NDUFA10: variants seen among roughly 807,000 people sequenced by gnomAD.
NDUFA10 encodes NADH:ubiquinone oxidoreductase subunit A10, also known as NADH dehydrogenase [ubiquinone] 1 alpha subcomplex subunit 10, mitochondrial.
Under a neutral mutation model 47.8 loss-of-function variants are expected in NDUFA10, and 40 were observed. The observed-to-expected ratio is 0.84, with a 90% confidence interval of 0.65 to 1.09. NDUFA10 has a LOEUF of 1.09. Among genes scored for constraint, NDUFA10 ranks in the 50% least tolerant of loss-of-function variants. The pLI is 0.00. For synonymous variants in NDUFA10, 183 were observed against 172.2 expected, an observed-to-expected ratio of 1.06 and a Z score of -0.49; for missense variants, 413 against 451.1, an observed-to-expected ratio of 0.92 and a Z score of 0.76.
chr2:240,015,498 G>A (rs1048813310), intron 4 of NDUFA10, among the ~76,000 whole-genome samples: 27 of 152,126 alleles, frequency 1.8e-4, no homozygotes, highest in African/African-American at 3.1e-4. Context: ...CATTTATCCC[G>A]TTTCAGTAGT....
At chr2:239,947,922 C>A (rs906330153) in intron 4 of NDUFA10, among the ~76,000 whole-genome samples, 1 of 152,176 alleles carries the variant, frequency 6.6e-6, no homozygotes, top group South Asian at 2.1e-4. Flanking sequence ...CAAGTGTGGG[C>A]CCTTCTTGAG....
At chr2:239,915,645 CAG>C (rs1195760389) in intron 4 of NDUFA10, among the ~76,000 whole-genome samples, 3 of 148,776 alleles carry the variant, frequency 2.0e-5, no homozygotes, top group African/African-American at 7.5e-5. Context: ...TACAGACACA[CAG>C]AGACACACAG....
chr2:239,922,769 G>A (rs548697325), intron 4 of NDUFA10, among the ~76,000 whole-genome samples: 14 of 152,312 alleles, frequency 9.2e-5, no homozygotes, highest in Non-Finnish European at 1.3e-4. Context: ...TTCCACCCCA[G>A]GTGTCATCCT....
intron 8 of NDUFA10, among the ~76,000 whole-genome samples, chr2:239,997,932 A>G (rs1231031273): frequency 2.0e-5 from 3 of 152,260 alleles, no homozygotes; most frequent in African/African-American, 7.2e-5. Context: ...ATCAATGGTA[A>G]GTGCAGCATA....
In NDUFA10 at chr2:239,989,313, A is replaced by G. The variant is rs866142356; in HGVS notation, c.999+761T>C. Reference sequence around the variant, plus strand: ...AGTGGGTGCTTCAGGCAATTTGCTCATATCAACTCAGACAATTATAGTAAT... The same window carrying G: ...AGTGGGTGCTTCAGGCAATTTGCTCGTATCAACTCAGACAATTATAGTAAT... On this transcript the variant is annotated intron_variant, in intron 9 of 9. Coordinates refer to ENST00000252711, the MANE Select transcript of NDUFA10 (RefSeq NM_004544.4). Among the ~76,000 whole-genome samples the G allele has an allele frequency of 9.2e-5, 14 of 152,386 alleles. No homozygotes were observed. The South Asian group carries it at 1.7e-3, about 18-fold the overall frequency.
intron 1 of NDUFA10, among the ~76,000 whole-genome samples, chr2:240,023,696 A>T (rs1426462518): frequency 1.3e-5 from 2 of 152,244 alleles, no homozygotes; most frequent in Non-Finnish European, 2.9e-5. Context: ...AAAATACTTT[A>T]TAGTGAAATT....
chr2:240,017,733 C>T lies in NDUFA10; in HGVS notation c.547+820G>A, dbSNP rs140215650. ...CACGGGCTTGCAGTGCTCTTGCGGGCGGCAAGCTCACAGGTGGAGTACCGG... is the reference window on the plus strand; with the variant it reads ...CACGGGCTTGCAGTGCTCTTGCGGGTGGCAAGCTCACAGGTGGAGTACCGG... On this transcript the variant is annotated intron_variant, in intron 4 of 9. Transcript: ENST00000252711. 1.2e-3 allele frequency: 1,346 copies of T among 1,142,242 alleles called. 9 individuals carry two copies. The African/African-American group carries it at 0.018, about 16-fold the overall frequency. The allele number at this position is 1,142,242 out of a possible 1,614,324, so 70.8% of individuals were successfully genotyped here.
chr2:239,913,694 C>T (rs768159213), intron 4 of NDUFA10, among the ~76,000 whole-genome samples: 8 of 152,296 alleles, frequency 5.3e-5, no homozygotes, highest in South Asian at 2.1e-4. Context: ...CAGGCTGAAC[C>T]GGAAAATTGT....
At chr2:239,952,239 C>A (rs1465819802) in intron 4 of NDUFA10, among the ~76,000 whole-genome samples, 1 of 95,076 alleles carries the variant, frequency 1.1e-5, no homozygotes, top group East Asian at 3.3e-4. Context: ...AGGAGGGGGG[C>A]GCAGGGAGGG....
chr2:239,920,119 G>A (rs969522750), intron 4 of NDUFA10, among the ~76,000 whole-genome samples: 1 of 152,208 alleles, frequency 6.6e-6, no homozygotes, highest in African/African-American at 2.4e-5. Flanking sequence ...AGGTGGTCAG[G>A]GTTCAGTGGG....
intron 8 of NDUFA10, among the ~76,000 whole-genome samples, chr2:239,999,044 G>A (rs1696598297): frequency 6.6e-6 from 1 of 152,160 alleles, no homozygotes; most frequent in Non-Finnish European, 1.5e-5. Flanking sequence ...AGGGGAGGAG[G>A]CTGTGGGAAC....
chr2:239,946,075 C>T (rs1049291018), intron 4 of NDUFA10, among the ~76,000 whole-genome samples: 1 of 152,202 alleles, frequency 6.6e-6, no homozygotes, highest in East Asian at 1.9e-4. Flanking sequence ...TGCAGGTTTC[C>T]AGAGAGAGGG....
At chr2:239,908,149 A>G (rs550337494) in intron 4 of NDUFA10, among the ~76,000 whole-genome samples, 37 of 152,290 alleles carry the variant, frequency 2.4e-4, no homozygotes, top group African/African-American at 8.7e-4. Context: ...TCGCAAGGAC[A>G]GAAAACCAAA....
At chr2:239,977,528 G>A (rs778185486) in intron 9 of NDUFA10, among the ~76,000 whole-genome samples, 60 of 152,318 alleles carry the variant, frequency 3.9e-4, no homozygotes, top group Non-Finnish European at 8.1e-4. Flanking sequence ...CTGACTCCAC[G>A]AGTGCTCCAC....
intron 4 of NDUFA10, among the ~76,000 whole-genome samples, chr2:239,896,860 T>G (rs943460975): frequency 1.3e-5 from 2 of 152,248 alleles, no homozygotes; most frequent in Non-Finnish European, 2.9e-5. Flanking sequence ...GGCACAAGAT[T>G]GGCAAAATAT....
Position 240,016,372 on chromosome 2 carries a change from C to T in NDUFA10, c.548-1512G>A, listed in dbSNP as rs1289920534. 6.6e-6 allele frequency among the ~76,000 whole-genome samples: 1 copy of T among 152,168 alleles called. No homozygotes were observed. The highest frequency in any genetic ancestry group is 1.9e-4 in the East Asian group (1 of 5,186). On this transcript the variant is annotated intron_variant, in intron 4 of 9. Coordinates refer to ENST00000252711, the MANE Select transcript of NDUFA10 (RefSeq NM_004544.4). The surrounding 1 kb of genome is among the most constrained non-coding windows in gnomAD (Gnocchi z 4.4). ...CTCCCTTCACCGAGTCTGCTCTCAC[C>T]CTGCTTCCCACCCTCACCCTTACTC...
chr2:239,963,261 A>G (rs1694927510), intron 9 of NDUFA10, among the ~76,000 whole-genome samples: 1 of 152,202 alleles, frequency 6.6e-6, no homozygotes, highest in African/African-American at 2.4e-5. Flanking sequence ...GGGGTTTGGT[A>G]TTGTGGGATC....
rs1476540025 is a variant in NDUFA10, at chr2:239,927,909, G to C, written c.295-32595C>G. On this transcript the variant is annotated intron_variant, in intron 4 of 5. Coordinates refer to the NDUFA10 transcript ENST00000419408. ...GTGGGCCCATCACTGTCAGGTCCCT[G>C]GTACCCCAATACGGTGGCTGTGGGG... 2.0e-5 allele frequency among the ~76,000 whole-genome samples: 3 copies of C among 152,246 alleles called. No homozygotes were observed. In the South Asian group the frequency reaches 6.2e-4, roughly 32 times the overall value.
At chr2:239,969,873 C>CAA (rs1695240198) in intron 9 of NDUFA10, 2 of 428,428 alleles carry the variant, frequency 4.7e-6, no homozygotes, top group Non-Finnish European at 4.8e-6. Context: ...AGAAAAAGGC[C>CAA]AAAAACAAAT....
Sources: gnomAD v4.1 joint callset for allele counts (sites outside exome capture counted in the v4.1 genomes callset) on GRCh38, gnomAD v4.1.1 for gene constraint, Gnocchi (gnomAD v3.1) non-coding constraint, MANE v1.5 for transcripts, NCBI Gene and HGNC (gene_info 2026-07-23, HGNC 2026-07-21) for gene names.